Variants in FRMD4A observed in about 807,000 individuals in gnomAD.
FRMD4A encodes the protein FERM domain containing 4A, also known as FERM domain-containing protein 4A.
FRMD4A carries 29 observed loss-of-function variants against 129.1 expected under a neutral mutation model. The ratio of observed to expected loss-of-function variants is 0.22; its 90% confidence interval spans 0.17 to 0.31. The LOEUF (loss-of-function observed/expected upper bound fraction) is 0.31. FRMD4A is among the 10% of genes least tolerant of loss of function. The pLI is 1.00. For synonymous variants in FRMD4A, 634 were observed against 571.6 expected, an observed-to-expected ratio of 1.11 and a Z score of -1.56; for missense variants, 1,272 against 1,375.8, an observed-to-expected ratio of 0.92 and a Z score of 1.19.
chr10:13,961,085 A>G (rs1411372532), intron 2 of FRMD4A, among the ~76,000 whole-genome samples: 1 of 152,240 alleles, frequency 6.6e-6, no homozygotes, highest in Non-Finnish European at 1.5e-5. Context: ...GAGCACAGTT[A>G]AAACATGACT....
At chr10:14,016,844 G>C (rs7922312) in intron 2 of FRMD4A, among the ~76,000 whole-genome samples, 3,203 of 152,310 alleles carry the variant, frequency 0.021, 113 homozygotes, top group African/African-American at 0.074. Flanking sequence ...TGTCAAATAT[G>C]AATGACCCAT....
chr10:13,917,152 G>A (rs2095018248), intron 2 of FRMD4A, among the ~76,000 whole-genome samples: 1 of 152,202 alleles, frequency 6.6e-6, no homozygotes, highest in Admixed American at 6.5e-5. Context: ...GACAAATTAT[G>A]CAGCTCCTAG....
intron 2 of FRMD4A, among the ~76,000 whole-genome samples, chr10:13,882,913 C>T (rs2094564043): frequency 6.6e-6 from 1 of 151,980 alleles, no homozygotes; most frequent in African/African-American, 2.4e-5. Context: ...AAGCAATCCT[C>T]CCACCTCAGT....
intron 2 of FRMD4A, among the ~76,000 whole-genome samples, chr10:14,295,634 G>A (rs1448070728): frequency 6.6e-6 from 1 of 152,178 alleles, no homozygotes; most frequent in Non-Finnish European, 1.5e-5. Flanking sequence ...CATGGTGAGA[G>A]GAGATGAGGA....
intron 2 of FRMD4A, among the ~76,000 whole-genome samples, chr10:14,053,323 A>T (rs1266481116): frequency 2.0e-5 from 3 of 152,160 alleles, no homozygotes; most frequent in Admixed American, 1.3e-4. Flanking sequence ...GATCCCTGTG[A>T]GTAATTCTCC....
rs141826729 is a variant in FRMD4A, at chr10:13,684,320, C to A, written c.1118-9276G>T. ...GCAGAGAGAGAGATGGAGTTACTCA[C>A]GCCAAGTCAGAAAGTCATTTTCGGG... On this transcript the variant is annotated intron_variant, in intron 15 of 24. Transcript: ENST00000357447. The A allele has an allele frequency of 1.3e-5, 13 of 985,110 alleles. No homozygotes were observed. The African/African-American group carries it at 2.1e-4, about 16-fold the overall frequency. The allele number at this position is 985,110 out of a possible 1,614,324, so 61.0% of individuals were successfully genotyped here.
chr10:13,777,605 C>T (rs1472629646), intron 6 of FRMD4A, among the ~76,000 whole-genome samples: 1 of 152,070 alleles, frequency 6.6e-6, no homozygotes, highest in Non-Finnish European at 1.5e-5. Flanking sequence ...GTCATCACCT[C>T]CACTCAGGGC....
At position 13,737,984 on chromosome 10, in the gene FRMD4A, C is replaced by T. The variant is rs115067344; in HGVS notation, c.673-54G>A. 1,795 of 981,212 alleles carry T rather than the reference C, an allele frequency of 1.8e-3. 21 individuals are homozygous for T. The African/African-American group carries it at 0.024, about 13-fold the overall frequency. 60.8% of individuals were successfully genotyped at this position (981,212 alleles called of 1,614,324 possible). Reference sequence around the variant, plus strand: ...TATGGGACTGGAGGAAGTAAACACACGCAAAGTGGAGATTTCCTGGCTCAG... The same window carrying T: ...TATGGGACTGGAGGAAGTAAACACATGCAAAGTGGAGATTTCCTGGCTCAG... On this transcript the variant is annotated intron_variant, in intron 11 of 24. Transcript: ENST00000357447.
At chr10:14,289,696 C>A (rs948683407) in intron 2 of FRMD4A, among the ~76,000 whole-genome samples, 1 of 152,056 alleles carries the variant, frequency 6.6e-6, no homozygotes, top group Non-Finnish European at 1.5e-5. Flanking sequence ...ACGGTGGGAA[C>A]AAAGCAAGGA....
intron 2 of FRMD4A, among the ~76,000 whole-genome samples, chr10:14,182,108 C>A (rs1841933162): frequency 6.6e-6 from 1 of 152,312 alleles, no homozygotes; most frequent in Non-Finnish European, 1.5e-5. Context: ...GCAACCCCAA[C>A]ACTACTACCA....
chr10:13,792,287 G>A (rs973045473), intron 5 of FRMD4A, among the ~76,000 whole-genome samples: 14 of 152,116 alleles, frequency 9.2e-5, no homozygotes, highest in African/African-American at 2.2e-4. Context: ...GGCTGGGGTC[G>A]CCGCATTTGA....
chr10:13,798,099 A>G (rs2093162576), intron 4 of FRMD4A, among the ~76,000 whole-genome samples: 3 of 152,126 alleles, frequency 2.0e-5, no homozygotes, highest in South Asian at 4.1e-4. Context: ...TGCTCTGAAT[A>G]TAGGAAAAGT....
intron 2 of FRMD4A, among the ~76,000 whole-genome samples, chr10:14,272,736 C>G (rs1226213121): frequency 6.6e-6 from 1 of 152,202 alleles, no homozygotes; most frequent in Non-Finnish European, 1.5e-5. Flanking sequence ...CATCATTTGT[C>G]TTTCTCTGGC....
At chr10:13,713,999 C>CATATATAAAATAT (rs1366210358) in intron 12 of FRMD4A, among the ~76,000 whole-genome samples, 1 of 28,964 alleles carries the variant, frequency 3.5e-5, no homozygotes, top group Non-Finnish European at 7.5e-5. Context: ...ATATAATATA[C>CATATATAAAATAT]ATATATAATA....
Position 13,693,989 on chromosome 10 carries a change from G to T in FRMD4A, c.1026C>A (p.Thr342=). The change falls in exon 15 of 25, where the codon ACC becomes ACA. Residue 342 remains threonine, a synonymous_variant. Transcript: ENST00000357447. ...TCGAGGTCTTCAGCGTCCCCGTCTC[G>T]GTCAGGTCGATGGCGATCTCACTCA... The part of the protein sequence containing the change: ...RSLSEIAIDL[T]ETGTLKTSKL... 6.5e-7 allele frequency: 1 copy of T among 1,549,726 alleles called. No homozygotes were observed. The highest frequency in any genetic ancestry group is 8.7e-7 in the Non-Finnish European group (1 of 1,153,296).
intron 2 of FRMD4A, among the ~76,000 whole-genome samples, chr10:13,957,519 T>G (rs956200446): frequency 6.6e-6 from 1 of 152,158 alleles, no homozygotes; most frequent in African/African-American, 2.4e-5. Context: ...CCTCCCAAAG[T>G]GCTGGGATTA....
chr10:13,975,091 GTA>G (rs2131392030), intron 2 of FRMD4A, among the ~76,000 whole-genome samples: 1 of 151,906 alleles, frequency 6.6e-6, no homozygotes, highest in Admixed American at 6.6e-5. Context: ...GTGCCTGTGG[GTA>G]TGTGTGTGTG....
chr10:13,670,537 G>A lies in FRMD4A; in HGVS notation c.1252-9C>T. 1 of 1,611,918 alleles carries A rather than the reference G, an allele frequency of 6.2e-7. No individual in the cohort carries two copies. Among genetic ancestry groups the A allele is most frequent in the Non-Finnish European group, 8.5e-7 (1 of 1,178,716 alleles). ...AGCTTGCCCGTGAGCTCCTGCATAT[G>A]TGAAATGGCATTCGGAGTGAGCACA... On this transcript the variant is annotated splice_polypyrimidine_tract_variant and intron_variant, in intron 16 of 24. Transcript: ENST00000357447.
At chr10:14,008,591 A>T in intron 2 of FRMD4A, 6 of 793,728 alleles carry the variant, frequency 7.6e-6, no homozygotes, top group Non-Finnish European at 7.6e-6. Flanking sequence ...TCATTCCATC[A>T]CGTGACTCCC....
Sources: gnomAD v4.1 joint callset for allele counts (sites outside exome capture counted in the v4.1 genomes callset) on GRCh38, gnomAD v4.1.1 for gene constraint, MANE v1.5 for transcripts, NCBI Gene and HGNC (gene_info 2026-07-23, HGNC 2026-07-21) for gene names.